LINGO2: variants seen among roughly 807,000 people sequenced by gnomAD.
LINGO2 encodes leucine-rich repeat and immunoglobulin-like domain-containing nogo receptor-interacting protein 2.
In LINGO2, 14 loss-of-function variants were observed where a neutral mutation model predicts 30.6. The observed-to-expected ratio is 0.46, with a 90% CI of 0.30 to 0.72. The LOEUF (loss-of-function observed/expected upper bound fraction) is 0.72. Among genes scored for constraint, LINGO2 ranks in the 30% least tolerant of loss-of-function variants. LINGO2 has a pLI of 0.07. For synonymous variants in LINGO2, 317 were observed against 288.5 expected, an observed-to-expected ratio of 1.10 and a Z score of -1.00; for missense variants, 729 against 751.7, an observed-to-expected ratio of 0.97 and a Z score of 0.35.
chr9:28,039,781 G>A (rs2132971442), intron 4 of LINGO2, among the ~76,000 whole-genome samples: 2 of 152,286 alleles, frequency 1.3e-5, no homozygotes, highest in Non-Finnish European at 2.9e-5. Context: ...TTAAAATTCT[G>A]TTCCTTAATA....
the LINGO2 span, among the ~76,000 whole-genome samples, chr9:29,039,565 A>C: frequency 3.3e-5 from 5 of 152,298 alleles, no homozygotes; most frequent in South Asian, 2.1e-4. Context: ...ATCACAAATC[A>C]TTCCCAGTTC....
At chr9:29,114,916 A>G in the LINGO2 span, among the ~76,000 whole-genome samples, 1 of 152,102 alleles carries the variant, frequency 6.6e-6, no homozygotes, top group Non-Finnish European at 1.5e-5. Flanking sequence ...ATCACTTACA[A>G]AAGTATTTTG....
chr9:28,046,889 G>A (rs1253177308), intron 4 of LINGO2, among the ~76,000 whole-genome samples: 2 of 152,100 alleles, frequency 1.3e-5, no homozygotes, highest in Non-Finnish European at 2.9e-5. Context: ...GATTTTGCTG[G>A]ATTTCACTAC....
At chr9:29,210,686 C>T in the LINGO2 span, among the ~76,000 whole-genome samples, 1 of 152,122 alleles carries the variant, frequency 6.6e-6, no homozygotes, top group Non-Finnish European at 1.5e-5. Flanking sequence ...CTTCCATTCC[C>T]ACTACAGTAA....
At chr9:29,007,647 A>G in the LINGO2 span, among the ~76,000 whole-genome samples, 5 of 152,016 alleles carry the variant, frequency 3.3e-5, no homozygotes, top group Admixed American at 6.6e-5. Context: ...CCCTCAACCA[A>G]TACTCTCAGA....
At chr9:28,447,160 A>G (rs551148260) in intron 2 of LINGO2, among the ~76,000 whole-genome samples, 6 of 152,054 alleles carry the variant, frequency 3.9e-5, no homozygotes, top group Admixed American at 3.3e-4. Flanking sequence ...ATGACTCTGG[A>G]TTTTTCTGTA....
the LINGO2 span, among the ~76,000 whole-genome samples, chr9:28,796,302 A>G: frequency 1.8e-4 from 28 of 152,258 alleles, no homozygotes; most frequent in South Asian, 1.9e-3. Context: ...TCGCTTTGAT[A>G]CACATAATCA....
At chr9:28,979,880 T>C in the LINGO2 span, among the ~76,000 whole-genome samples, 8 of 152,164 alleles carry the variant, frequency 5.3e-5, no homozygotes, top group South Asian at 4.1e-4. Context: ...AGACATTATA[T>C]TGCCGTTCAA....
the LINGO2 span, among the ~76,000 whole-genome samples, chr9:29,077,293 T>C: frequency 3.3e-5 from 5 of 151,924 alleles, no homozygotes; most frequent in African/African-American, 1.2e-4. Context: ...TGAAAACTAG[T>C]GGAAAGAAAC....
chr9:28,072,478 G>T (rs778098834), intron 4 of LINGO2, among the ~76,000 whole-genome samples: 2 of 152,156 alleles, frequency 1.3e-5, no homozygotes, highest in African/African-American at 4.8e-5. Context: ...GTACAGAAAT[G>T]GATCTTGATG....
At chr9:28,457,778 A>T (rs1453003163) in intron 2 of LINGO2, among the ~76,000 whole-genome samples, 1 of 152,132 alleles carries the variant, frequency 6.6e-6, no homozygotes, top group Non-Finnish European at 1.5e-5. Context: ...AACTACCTCC[A>T]ACCAGAGAAT....
intron 3 of LINGO2, among the ~76,000 whole-genome samples, chr9:28,324,936 A>G (rs555569613): frequency 2.0e-5 from 3 of 152,178 alleles, no homozygotes; most frequent in Non-Finnish European, 2.9e-5. Context: ...CCCTCTCTTG[A>G]AGACCCCTTT....
chr9:28,843,210 A>C, the LINGO2 span, among the ~76,000 whole-genome samples: 1 of 151,700 alleles, frequency 6.6e-6, no homozygotes, highest in Admixed American at 6.6e-5. Context: ...ATAGGAAATA[A>C]TACTAGGTTA....
intron 4 of LINGO2, among the ~76,000 whole-genome samples, chr9:28,040,321 A>G (rs184048828): frequency 4.4e-4 from 67 of 152,176 alleles, no homozygotes; most frequent in East Asian, 1.7e-3. Flanking sequence ...ACTACTAAAA[A>G]TAAGTCTGAA....
chr9:28,988,616 T>C, the LINGO2 span, among the ~76,000 whole-genome samples: 2 of 152,202 alleles, frequency 1.3e-5, no homozygotes, highest in Non-Finnish European at 2.9e-5. Flanking sequence ...CCCCAGGTGA[T>C]CTAGCCATAC....
the LINGO2 span, among the ~76,000 whole-genome samples, chr9:29,012,493 C>T: frequency 1.3e-5 from 2 of 152,106 alleles, no homozygotes; most frequent in Non-Finnish European, 1.5e-5. Flanking sequence ...CACATTTAAC[C>T]TCTACAGCAG....
At chr9:28,226,642 G>GGAA (rs1821164995) in intron 4 of LINGO2, among the ~76,000 whole-genome samples, 1 of 53,230 alleles carries the variant, frequency 1.9e-5, no homozygotes, top group Admixed American at 2.1e-4. Flanking sequence ...AAGGAAAGAA[G>GGAA]GAAAGAAAGA....
chr9:28,255,423 C>A (rs1299967669), intron 4 of LINGO2, among the ~76,000 whole-genome samples: 1 of 152,040 alleles, frequency 6.6e-6, no homozygotes, highest in Non-Finnish European at 1.5e-5. Flanking sequence ...GCTTGAAACC[C>A]TGCTCTACTA....
At chr9:28,892,865 A>G in the LINGO2 span, among the ~76,000 whole-genome samples, 1 of 151,812 alleles carries the variant, frequency 6.6e-6, no homozygotes, top group African/African-American at 2.4e-5. Context: ...AACTTAAATT[A>G]TTTTTTTAGA....
Sources: gnomAD v4.1 joint callset for allele counts (sites outside exome capture counted in the v4.1 genomes callset) on GRCh38, gnomAD v4.1.1 for gene constraint, MANE v1.5 for transcripts, NCBI Gene and HGNC (gene_info 2026-07-23, HGNC 2026-07-21) for gene names.